Variants in BUD23 observed in about 807,000 individuals in gnomAD.
The protein encoded by BUD23 is BUD23 rRNA methyltransferase and ribosome maturation factor.
BUD23 carries 34 observed loss-of-function variants against 47.0 expected under a neutral mutation model. The ratio of observed to expected loss-of-function variants is 0.72; its 90% confidence interval spans 0.55 to 0.96. BUD23 has a LOEUF of 0.96. Ranked by LOEUF, BUD23 falls within the 40% of genes least tolerant of loss-of-function variation. The pLI, the probability that BUD23 is intolerant of heterozygous loss-of-function variation, is 0.00. For missense variants in BUD23, 343 were observed against 361.2 expected, an observed-to-expected ratio of 0.95 and a Z score of 0.41; for synonymous variants, 124 against 132.0, an observed-to-expected ratio of 0.94 and a Z score of 0.41.
rs782783026 is a variant in BUD23, at chr7:73,691,029, C to G, written c.459+17C>G. On this transcript the variant is annotated intron_variant, in intron 6 of 11. Coordinates refer to ENST00000265758, the MANE Select transcript of BUD23 (RefSeq NM_017528.5). ...TCTGTTCTCGTGAGTATAAGATCTTCTCCCCATCTGGGTTAGCTGCCTGTC... is the reference window on the plus strand; with the variant it reads ...TCTGTTCTCGTGAGTATAAGATCTTGTCCCCATCTGGGTTAGCTGCCTGTC... The G allele has an allele frequency of 3.1e-6, 5 of 1,610,784 alleles. No homozygotes were observed. Among genetic ancestry groups the G allele is most frequent in the Non-Finnish European group, 4.2e-6 (5 of 1,177,068 alleles).
intron 9 of BUD23, 52 bp downstream of exon 9, chr7:73,693,721 G>GT: frequency 6.2e-7 from 1 of 1,607,700 alleles, no homozygotes; most frequent in Non-Finnish European, 8.5e-7. Context: ...CTTCCAGGCA[G>GT]TGGGGCTCAG....
Position 73,686,645 on chromosome 7 carries a change from G to T in BUD23, c.96G>T (p.Met32Ile). Residue 32 changes from methionine to isoleucine, a missense_variant, in exon 3 of 12, where the codon ATG becomes ATT. Physicochemically the swap from Met to Ile is conservative, Grantham distance 10 (BLOSUM62 1). Coordinates refer to ENST00000265758, the MANE Select transcript of BUD23 (RefSeq NM_017528.5). Reference sequence around the variant, plus strand: ...GTTTCTGCCTTACCAGCTCACGGATGATTGATATCCAGACCAGGATGGCTG... The same window carrying T: ...GTTTCTGCCTTACCAGCTCACGGATTATTGATATCCAGACCAGGATGGCTG... ...EARKYVRNSRMIDIQTRMAGR... is the reference protein window; with the variant it reads ...EARKYVRNSRIIDIQTRMAGR... 6.2e-7 allele frequency: 1 copy of T among 1,614,146 alleles called. No individual in the cohort carries two copies. Among genetic ancestry groups the T allele is most frequent in the Non-Finnish European group, 8.5e-7 (1 of 1,180,020 alleles).
At chr7:73,690,224 C>T (rs1470699771) in intron 5 of BUD23, among the ~76,000 whole-genome samples, 6 of 152,084 alleles carry the variant, frequency 3.9e-5, no homozygotes, top group Non-Finnish European at 7.4e-5. Flanking sequence ...AGGCTGGTCT[C>T]GAACTCCTGA....
At chr7:73,697,357 T>G in intron 10 of BUD23, 1 of 1,361,218 alleles carries the variant, frequency 7.3e-7, no homozygotes, top group Middle Eastern at 2.4e-4. Context: ...GGTGTTTAGG[T>G]CTCCATGCCC....
intron 5 of BUD23, among the ~76,000 whole-genome samples, chr7:73,688,809 T>C (rs1234288273): frequency 1.3e-5 from 2 of 152,052 alleles, no homozygotes; most frequent in Admixed American, 1.3e-4. Flanking sequence ...AGTTGAGTGG[T>C]GGGGATGTGA....
rs782124197 is a variant in BUD23 at position 73,692,579 on chromosome 7, G to A, written c.460-17G>A. 1.1e-5 allele frequency: 17 copies of A among 1,613,304 alleles called. No homozygotes were observed. The highest frequency in any genetic ancestry group is 1.4e-5 in the Non-Finnish European group (17 of 1,179,310). On this transcript the variant is annotated splice_polypyrimidine_tract_variant and intron_variant, in intron 6 of 11. Coordinates refer to ENST00000265758, the MANE Select transcript of BUD23 (RefSeq NM_017528.5). ...ATGCAGTCATTTGTAAGACAGTGAT[G>A]TTCCTGTTTCTTTCAGGTCCGGGGA...
In BUD23 at chr7:73,694,028, G is replaced by GA. The variant is rs782507257; in HGVS notation, c.680dup (p.Ser228ValfsTer6). ...AAATCAGGATGAAGTTGAACCCAGG[G>GA]AGTCTGTGTTCACCAATGAGAGGTA... On this transcript the variant is annotated frameshift_variant, in exon 10 of 12. Transcript: ENST00000265758. LOFTEE classifies it high-confidence loss of function. 1 of 1,611,484 alleles carries GA rather than the reference G, an allele frequency of 6.2e-7. No homozygotes were observed. The highest frequency in any genetic ancestry group is 8.5e-7 in the Non-Finnish European group (1 of 1,179,332).
intron 10 of BUD23, chr7:73,697,323 C>T (rs905308847): frequency 1.1e-5 from 11 of 959,238 alleles, no homozygotes; most frequent in African/African-American, 8.1e-5. Context: ...AGCTGCTTCC[C>T]GAAGAGGGAA....
At chr7:73,691,135 G>C (rs144249163) in intron 6 of BUD23, 123 bp downstream of exon 6, 1 of 796,762 alleles carries the variant, frequency 1.3e-6, no homozygotes, top group East Asian at 2.5e-5. Context: ...CGCATGGGGT[G>C]GCAGGACCTT....
intron 7 of BUD23, chr7:73,693,127 T>C (rs1362071033): frequency 3.3e-6 from 2 of 604,042 alleles, no homozygotes; most frequent in Non-Finnish European, 6.0e-6. Context: ...GGGGAGTTGC[T>C]TTGTTCTGTA....
chr7:73,694,024 C>CA lies in BUD23; in HGVS notation c.676dup (p.Arg226LysfsTer8), dbSNP rs1798297576. Reference sequence around the variant, plus strand: ...GTGAAAATCAGGATGAAGTTGAACCCAGGGAGTCTGTGTTCACCAATGAGA... The same window carrying CA: ...GTGAAAATCAGGATGAAGTTGAACCCAAGGGAGTCTGTGTTCACCAATGAGA... On this transcript the variant is annotated frameshift_variant, in exon 10 of 12. Coordinates refer to ENST00000265758, the MANE Select transcript of BUD23 (RefSeq NM_017528.5). LOFTEE classifies it high-confidence loss of function. 6.2e-7 allele frequency: 1 copy of CA among 1,611,854 alleles called. No individual in the cohort carries two copies. Among genetic ancestry groups the CA allele is most frequent in the Admixed American group, 1.7e-5 (1 of 58,998 alleles).
chr7:73,689,977 G>A (rs973405952), intron 5 of BUD23, among the ~76,000 whole-genome samples: 1 of 152,036 alleles, frequency 6.6e-6, no homozygotes, highest in African/African-American at 2.4e-5. Context: ...GAGGGGAAGG[G>A]CAGGAAGGAA....
intron 5 of BUD23, among the ~76,000 whole-genome samples, chr7:73,688,895 G>A (rs1451108148): frequency 6.6e-6 from 1 of 152,126 alleles, no homozygotes; most frequent in African/African-American, 2.4e-5. Context: ...GACCCAGGGG[G>A]GTTGGGGAAT....
chr7:73,696,277 T>TCC (rs1410219881), intron 10 of BUD23: 1 of 152,162 alleles, frequency 6.6e-6, no homozygotes, highest in Non-Finnish European at 1.5e-5. Context: ...CCTAGTCCAT[T>TCC]CCCCATGGGG....
chr7:73,694,670 T>A (rs1351667877), intron 10 of BUD23: 1 of 152,496 alleles, frequency 6.6e-6, no homozygotes, highest in African/African-American at 2.4e-5. Flanking sequence ...CACTTGTGAC[T>A]TTTTTTCATG....
Position 73,698,037 on chromosome 7 carries a change from T to TGTAATCCCAGCACCTTG in BUD23, c.*153_*169dup. 1 of 835,838 alleles carries TGTAATCCCAGCACCTTG rather than the reference T, an allele frequency of 1.2e-6. No homozygotes were observed. The highest frequency in any genetic ancestry group is 1.7e-6 in the Non-Finnish European group (1 of 572,132). 51.8% of individuals were successfully genotyped at this position (835,838 alleles called of 1,614,324 possible). A position where few individuals can be genotyped will look rare whatever the true frequency, so the allele number is the denominator to read the frequency against. The stretch of plus-strand genomic sequence containing the variant: ...TGGGCCGGGCGTGGTGGCTCACACC[T>TGTAATCCCAGCACCTTG]GTAATCCCAGCACCTTGGGAGGCTG... On this transcript the variant is annotated 3_prime_UTR_variant, in exon 12 of 12. Transcript: ENST00000265758.
At position 73,687,164 on chromosome 7, in the gene BUD23, T is replaced by A; in HGVS notation, c.362+69T>A. 2.0e-6 allele frequency: 3 copies of A among 1,511,932 alleles called. No individual in the cohort carries two copies. In the Admixed American group the frequency reaches 5.4e-5, roughly 27 times the overall value. The allele number at this position is 1,511,932 out of a possible 1,614,324, so 93.7% of individuals were successfully genotyped here. On this transcript the variant is annotated intron_variant, in intron 5 of 11. Transcript: ENST00000265758. ...TCTCACTCTATCACTTAGGCTCTAG[T>A]GCAGTGTCTGTGATTATGGCTCACA...
At chr7:73,683,699 C>A (rs1354035957) in intron 1 of BUD23, 26 bp downstream of exon 1, 1 of 1,613,960 alleles carries the variant, frequency 6.2e-7, no homozygotes, top group South Asian at 1.1e-5. Flanking sequence ...CGCGGACACC[C>A]CTCTCCCCAC....
At chr7:73,688,565 C>T (rs990459544) in intron 5 of BUD23, among the ~76,000 whole-genome samples, 1 of 152,212 alleles carries the variant, frequency 6.6e-6, no homozygotes, top group Non-Finnish European at 1.5e-5. Context: ...AGCGTCTGGA[C>T]TTGCTCTAAT....
Sources: allele counts gnomAD v4.1 joint callset (sites outside exome capture counted in the v4.1 genomes callset), GRCh38; gene constraint gnomAD v4.1.1; transcripts MANE v1.5; gene names NCBI Gene and HGNC (gene_info 2026-07-23, HGNC 2026-07-21).